Variants in APLP2 observed in about 807,000 individuals in gnomAD.
The protein encoded by APLP2 is amyloid beta precursor like protein 2, also known as CDEI box-binding protein.
A neutral mutation model predicts 89.9 loss-of-function variants in APLP2; 53 were observed. The observed-to-expected ratio is 0.59, with a 90% confidence interval of 0.47 to 0.74. APLP2 has a LOEUF of 0.74. APLP2 is among the 30% of genes least tolerant of loss of function. The pLI, the probability that APLP2 is intolerant of heterozygous loss-of-function variation, is 0.00. For synonymous variants in APLP2, 372 were observed against 348.6 expected, an observed-to-expected ratio of 1.07 and a Z score of -0.75; for missense variants, 973 against 975.9, an observed-to-expected ratio of 1.00 and a Z score of 0.04.
At position 130,123,831 on chromosome 11, in the gene APLP2, TC is replaced by T. The variant is rs1248001355; in HGVS notation, c.1090+54del. 37 of 1,588,620 alleles carry T rather than the reference TC, an allele frequency of 2.3e-5. No homozygotes were observed. Among genetic ancestry groups the T allele is most frequent in the Non-Finnish European group, 2.9e-5 (34 of 1,164,168 alleles). ...TGCGGCAGCACCGTCCTGTCTGGCG[TC>T]CGTCTCCCTGCCGTCTTCGTGGCTG... On this transcript the variant is annotated intron_variant, in intron 7 of 16. Coordinates refer to ENST00000338167, the MANE Select transcript of APLP2 (RefSeq NM_001142276.2). The surrounding 1 kb of genome is among the most constrained non-coding windows in gnomAD (Gnocchi z 4.0).
chr11:130,083,460 A>G (rs980208096), intron 1 of APLP2, among the ~76,000 whole-genome samples: 1 of 152,252 alleles, frequency 6.6e-6, no homozygotes, highest in African/African-American at 2.4e-5. Flanking sequence ...TGCATCTTGC[A>G]AAACGGAAAC....
Position 130,069,921 on chromosome 11 carries a change from GCGAGGAGTC to G in APLP2, c.-52_-44del. ...ATGCTTCTGGGTCGCGGTGTGCTAA[GCGAGGAGTC>G]CGAGTGTGTGAGCTTGAGAGCCGCG... On this transcript the variant is annotated 5_prime_UTR_variant, in exon 1 of 17. Coordinates refer to ENST00000338167, the MANE Select transcript of APLP2 (RefSeq NM_001142276.2). The G allele has an allele frequency of 1.5e-6, 2 of 1,329,344 alleles. No individual in the cohort carries two copies. The highest frequency in any genetic ancestry group is 1.0e-6 in the Non-Finnish European group (1 of 979,348). The allele number at this position is 1,329,344 out of a possible 1,614,324, so 82.3% of individuals were successfully genotyped here.
intron 1 of APLP2, among the ~76,000 whole-genome samples, chr11:130,091,219 C>T (rs1454204250): frequency 7.7e-6 from 1 of 129,800 alleles, no homozygotes; most frequent in Non-Finnish European, 1.6e-5. Flanking sequence ...GGCAGGGGGG[C>T]TGACCCCCCC....
At chr11:130,072,117 G>A (rs1941214523) in intron 1 of APLP2, among the ~76,000 whole-genome samples, 1 of 152,144 alleles carries the variant, frequency 6.6e-6, no homozygotes, top group African/African-American at 2.4e-5. Flanking sequence ...TCTTACACCT[G>A]TTTAAAAAGA....
chr11:130,078,697 T>G (rs77439841), intron 1 of APLP2, among the ~76,000 whole-genome samples: 9,052 of 152,218 alleles, frequency 0.059, 278 homozygotes, highest in Non-Finnish European at 0.073. Flanking sequence ...ATATCTGGCC[T>G]GCACCATTTA....
intron 3 of APLP2, among the ~76,000 whole-genome samples, chr11:130,116,017 A>G (rs1949116519): frequency 6.6e-6 from 1 of 152,218 alleles, no homozygotes; most frequent in Non-Finnish European, 1.5e-5. Flanking sequence ...ATGGAAATGT[A>G]TATACTTTTA....
At chr11:130,078,851 A>C (rs997005122) in intron 1 of APLP2, among the ~76,000 whole-genome samples, 3 of 151,724 alleles carry the variant, frequency 2.0e-5, no homozygotes, top group Non-Finnish European at 4.4e-5. Context: ...CATTGTCTTA[A>C]TTATTATATA....
At chr11:130,100,706 T>C (rs780724540) in intron 1 of APLP2, among the ~76,000 whole-genome samples, 5 of 152,222 alleles carry the variant, frequency 3.3e-5, no homozygotes, top group Non-Finnish European at 1.5e-5. Context: ...GCTGGAGTTA[T>C]TTGTATAAAT....
At chr11:130,102,052 A>G in intron 1 of APLP2, 2 of 449,472 alleles carry the variant, frequency 4.4e-6, no homozygotes, top group East Asian at 7.0e-5. Context: ...TCCCTTTTGT[A>G]GCTAATATCT....
chr11:130,106,248 C>G (rs1947737083), intron 1 of APLP2, among the ~76,000 whole-genome samples: 3 of 152,032 alleles, frequency 2.0e-5, no homozygotes, highest in African/African-American at 7.2e-5. Context: ...CAAACTTGAA[C>G]CTTCCTCTTC....
At chr11:130,134,510 A>G (rs1438092549) in intron 12 of APLP2, among the ~76,000 whole-genome samples, 1 of 152,226 alleles carries the variant, frequency 6.6e-6, no homozygotes, top group Non-Finnish European at 1.5e-5. Flanking sequence ...TTTCAGCAAA[A>G]TCAAGGAGTT....
intron 1 of APLP2, among the ~76,000 whole-genome samples, chr11:130,092,090 C>T (rs1945389999): frequency 1.6e-5 from 2 of 124,400 alleles, no homozygotes; most frequent in African/African-American, 3.5e-5. Flanking sequence ...GATGGGGCGG[C>T]GGGGCAGAGG....
At chr11:130,099,826 A>T (rs1462426271) in intron 1 of APLP2, among the ~76,000 whole-genome samples, 1 of 152,192 alleles carries the variant, frequency 6.6e-6, no homozygotes, top group East Asian at 1.9e-4. Flanking sequence ...AGTTCTGCGC[A>T]ATTGCAGCCA....
At position 130,142,146 on chromosome 11, in the gene APLP2, A is replaced by G. The variant is rs181074784; in HGVS notation, c.2154+72A>G. On this transcript the variant is annotated intron_variant, in intron 16 of 16. Transcript: ENST00000338167. The stretch of plus-strand genomic sequence containing the variant: ...TTGGGGGTGGGAACCTGTGGAATTA[A>G]TAGGCATCTTCACTCCTCGAGTACT... The G allele has an allele frequency of 4.8e-6, 7 of 1,466,582 alleles. No homozygotes were observed. In the Admixed American group the frequency reaches 6.2e-5, roughly 13 times the overall value. The allele number at this position is 1,466,582 out of a possible 1,614,324, so 90.8% of individuals were successfully genotyped here.
At chr11:130,077,251 G>A (rs1942295277) in intron 1 of APLP2, among the ~76,000 whole-genome samples, 1 of 152,136 alleles carries the variant, frequency 6.6e-6, no homozygotes, top group Admixed American at 6.5e-5. Flanking sequence ...CATTTTAAAG[G>A]GATAATGCTA....
chr11:130,074,947 G>T (rs1333373650), intron 1 of APLP2, among the ~76,000 whole-genome samples: 1 of 152,108 alleles, frequency 6.6e-6, no homozygotes, highest in Non-Finnish European at 1.5e-5. Context: ...CAATTTTCAT[G>T]GGTTGATTTT....
At chr11:130,079,187 C>G (rs1942702504) in intron 1 of APLP2, among the ~76,000 whole-genome samples, 1 of 152,024 alleles carries the variant, frequency 6.6e-6, no homozygotes, top group African/African-American at 2.4e-5. Flanking sequence ...CAACCTTTGT[C>G]TCCCGGGTTC....
In APLP2 at chr11:130,110,553, C is replaced by T; in HGVS notation, c.295C>T (p.Gln99Ter). The change falls in exon 3 of 17, where the codon CAG becomes TAG. Residue 99 changes from glutamine (Q) to a stop codon, truncating the protein, a stop_gained. Transcript: ENST00000338167. LOFTEE classifies it high-confidence loss of function. ...QYCQEMYPEL[Q>*]ITNVMEANQR... ...TTCTTAACAGATGTATCCAGAGCTA[C>T]AGATCACAAATGTGATGGAGGCAAA... The T allele has an allele frequency of 6.2e-7, 1 of 1,613,720 alleles. No homozygotes were observed.
chr11:130,070,584 C>T, intron 1 of APLP2: 1 of 1,314,368 alleles, frequency 7.6e-7, no homozygotes, highest in Non-Finnish European at 9.6e-7. Context: ...GCCAGGTGGA[C>T]GCGGCCCCGG....
Sources: allele counts gnomAD v4.1 joint callset (sites outside exome capture counted in the v4.1 genomes callset), GRCh38; gene constraint gnomAD v4.1.1; non-coding constraint Gnocchi (gnomAD v3.1); transcripts MANE v1.5; gene names NCBI Gene and HGNC (gene_info 2026-07-23, HGNC 2026-07-21).